CCSER1: variants seen among roughly 807,000 people sequenced by gnomAD.
CCSER1 encodes serine-rich coiled-coil domain-containing protein 1.
Under a neutral mutation model 82.0 loss-of-function variants are expected in CCSER1, and 41 were observed. The observed-to-expected ratio is 0.50, with a 90% confidence interval of 0.39 to 0.65. The LOEUF (loss-of-function observed/expected upper bound fraction) is 0.65. Ranked by LOEUF, CCSER1 falls within the 30% of genes least tolerant of loss-of-function variation. The probability of loss-of-function intolerance (pLI) is 0.00; values close to 1 mark genes in which losing one functional copy is unlikely to be tolerated. For missense variants in CCSER1, 1,119 were observed against 1,064.2 expected (o/e 1.05, Z -0.72); for synonymous variants, 414 against 383.9 (o/e 1.08, Z -0.92).
chr4:90,244,985 A>T (rs930700975), intron 1 of CCSER1, among the ~76,000 whole-genome samples: 6 of 152,178 alleles, frequency 3.9e-5, no homozygotes, highest in Non-Finnish European at 5.9e-5. Context: ...TCTCATTAAG[A>T]TGTTTCTTCA....
chr4:91,093,079 G>C (rs1265131558), intron 10 of CCSER1, among the ~76,000 whole-genome samples: 1 of 152,196 alleles, frequency 6.6e-6, no homozygotes, highest in Admixed American at 6.5e-5. Context: ...CAGTATAAAT[G>C]TTTACAGTCT....
intron 8 of CCSER1, among the ~76,000 whole-genome samples, chr4:90,868,252 T>C (rs1338748783): frequency 6.6e-6 from 1 of 152,088 alleles, no homozygotes; most frequent in Admixed American, 6.6e-5. Context: ...TATTAGTAAC[T>C]ATAGTCACCC....
At chr4:91,551,259 T>C (rs1762144268) in intron 10 of CCSER1, among the ~76,000 whole-genome samples, 1 of 152,148 alleles carries the variant, frequency 6.6e-6, no homozygotes, top group Non-Finnish European at 1.5e-5. Context: ...GCTTAAAATA[T>C]AGTTTTGCTA....
rs150225078 is a variant in CCSER1 at position 90,283,997 on chromosome 4, G to A, written c.-41-24247G>A. Among the ~76,000 whole-genome samples, 538 of 151,980 alleles carry A rather than the reference G, an allele frequency of 3.5e-3. 2 individuals are homozygous for A. The highest frequency in any genetic ancestry group is 0.012 in the African/African-American group (518 of 41,484). ...TCCTCACCAGCATCAGTTATTTCCTGTCTTTAGGATAAAAACCATTTTAAC... is the reference window on the plus strand; with the variant it reads ...TCCTCACCAGCATCAGTTATTTCCTATCTTTAGGATAAAAACCATTTTAAC... On this transcript the variant is annotated intron_variant, in intron 1 of 10. Coordinates refer to ENST00000509176, the MANE Select transcript of CCSER1 (RefSeq NM_001145065.2).
intron 10 of CCSER1, among the ~76,000 whole-genome samples, chr4:91,485,696 T>G (rs1448759606): frequency 1.3e-5 from 2 of 152,164 alleles, no homozygotes; most frequent in Non-Finnish European, 2.9e-5. Flanking sequence ...AGATAGTTAC[T>G]AATGCACTTG....
At chr4:90,425,241 G>A (rs553835453) in intron 4 of CCSER1, among the ~76,000 whole-genome samples, 1 of 152,136 alleles carries the variant, frequency 6.6e-6, no homozygotes, top group Admixed American at 6.5e-5. Flanking sequence ...TTTCATTTTA[G>A]ATTTTGGAGT....
At chr4:91,074,083 G>T (rs1375205240) in intron 9 of CCSER1, among the ~76,000 whole-genome samples, 1 of 152,144 alleles carries the variant, frequency 6.6e-6, no homozygotes, top group East Asian at 1.9e-4. Flanking sequence ...ACATGCTGTA[G>T]CTGCAACGTG....
intron 10 of CCSER1, among the ~76,000 whole-genome samples, chr4:91,471,411 A>G (rs1210453768): frequency 6.6e-6 from 1 of 152,198 alleles, no homozygotes; most frequent in Non-Finnish European, 1.5e-5. Flanking sequence ...AGTCAGACCT[A>G]CACCTAGGAG....
intron 9 of CCSER1, among the ~76,000 whole-genome samples, chr4:91,021,989 C>G (rs562349791): frequency 9.9e-4 from 151 of 152,054 alleles, no homozygotes; most frequent in Middle Eastern, 3.4e-3. Context: ...TTCTCAAAAT[C>G]AGTTTATATT....
chr4:91,232,680 T>C (rs1344082553), intron 10 of CCSER1, among the ~76,000 whole-genome samples: 1 of 151,812 alleles, frequency 6.6e-6, no homozygotes, highest in Non-Finnish European at 1.5e-5. Context: ...TGTATTTATA[T>C]TGAATTACTT....
intron 10 of CCSER1, among the ~76,000 whole-genome samples, chr4:91,545,905 G>A (rs1761865628): frequency 6.6e-6 from 1 of 152,098 alleles, no homozygotes; most frequent in Non-Finnish European, 1.5e-5. Flanking sequence ...ATTAAGTATG[G>A]TTTTAGTTGT....
intron 7 of CCSER1, among the ~76,000 whole-genome samples, chr4:90,737,979 A>G (rs1745934971): frequency 6.6e-6 from 1 of 152,142 alleles, no homozygotes; most frequent in Non-Finnish European, 1.5e-5. Flanking sequence ...TTTATGTGAT[A>G]GGTTCTGATT....
At chr4:91,288,061 G>GATAT (rs770632744) in intron 10 of CCSER1, among the ~76,000 whole-genome samples, 82 of 141,708 alleles carry the variant, frequency 5.8e-4, no homozygotes, top group African/African-American at 1.9e-3. Flanking sequence ...GTTTATTTAG[G>GATAT]ATATATATAT....
At chr4:91,368,035 A>G (rs191340684) in intron 10 of CCSER1, among the ~76,000 whole-genome samples, 3 of 152,248 alleles carry the variant, frequency 2.0e-5, no homozygotes, top group Middle Eastern at 3.4e-3. Flanking sequence ...CAATTTTCCT[A>G]TGTGGATATT....
chr4:91,088,961 C>T (rs1723663483), intron 10 of CCSER1, among the ~76,000 whole-genome samples: 1 of 151,838 alleles, frequency 6.6e-6, no homozygotes, highest in Non-Finnish European at 1.5e-5. Context: ...TTCCAAAGGC[C>T]AGTTTTTGTT....
chr4:91,548,218 T>C lies in CCSER1; in HGVS notation c.2218-50354T>C, dbSNP rs1761984201. ...TACGTGTAAAACTAAGCAAAATCCA[T>C]TTTCAAATAACACCATACAACTTCA... On this transcript the variant is annotated intron_variant, in intron 10 of 10. Coordinates refer to ENST00000509176, the MANE Select transcript of CCSER1 (RefSeq NM_001145065.2). 2.0e-5 allele frequency among the ~76,000 whole-genome samples: 3 copies of C among 152,224 alleles called. No homozygotes were observed. The South Asian group carries it at 6.2e-4, about 31-fold the overall frequency.
At chr4:90,806,835 G>A (rs977946071) in intron 7 of CCSER1, among the ~76,000 whole-genome samples, 1 of 151,326 alleles carries the variant, frequency 6.6e-6, no homozygotes, top group African/African-American at 2.4e-5. Flanking sequence ...ATCAAGGTTT[G>A]ACTGTCCCCT....
intron 10 of CCSER1, among the ~76,000 whole-genome samples, chr4:91,245,163 G>A (rs571667539): frequency 1.1e-3 from 168 of 152,138 alleles, no homozygotes; most frequent in Non-Finnish European, 2.0e-3. Context: ...GCCTCAAACA[G>A]GCAAATGTAA....
At chr4:91,510,889 T>C (rs1300151935) in intron 10 of CCSER1, among the ~76,000 whole-genome samples, 1 of 152,202 alleles carries the variant, frequency 6.6e-6, no homozygotes, top group East Asian at 1.9e-4. Context: ...AACTTATTCA[T>C]GATTTGTTTT....
Sources: allele counts gnomAD v4.1 joint callset (sites outside exome capture counted in the v4.1 genomes callset), GRCh38; gene constraint gnomAD v4.1.1; transcripts MANE v1.5; gene names NCBI Gene and HGNC (gene_info 2026-07-23, HGNC 2026-07-21).